GNAQ: variants seen among roughly 807,000 people sequenced by gnomAD.
The protein encoded by GNAQ is G protein subunit alpha q.
Under a neutral mutation model 43.9 loss-of-function variants are expected in GNAQ, and 8 were observed. The ratio of observed to expected loss-of-function variants is 0.18; its 90% CI spans 0.11 to 0.33. The LOEUF (loss-of-function observed/expected upper bound fraction) is 0.33, where lower values mean the gene tolerates loss of function less well. Among genes scored for constraint, GNAQ ranks in the 10% least tolerant of loss-of-function variants. The probability of loss-of-function intolerance (pLI) is 1.00; values close to 1 mark genes in which losing one functional copy is unlikely to be tolerated. For synonymous variants in GNAQ, 155 were observed against 170.7 expected (o/e 0.91, Z 0.71); for missense variants, 158 against 450.8 (o/e 0.35, Z 5.88).
chr9:77,716,134 G>T lies in GNAQ; in HGVS notation c.*5189C>A. 6 of 182,348 alleles carry T rather than the reference G, an allele frequency of 3.3e-5. No individual in the cohort carries two copies. The highest frequency in any genetic ancestry group is 2.0e-4 in the South Asian group (1 of 4,930). 11.3% of individuals were successfully genotyped at this position (182,348 alleles called of 1,614,324 possible). On this transcript the variant is annotated 3_prime_UTR_variant, in exon 7 of 7. Transcript: ENST00000286548. ...TGAAACCATTAAACTTGTTTATTTTGGAAAATGCAATATGCACAAGGTGTG... is the reference window on the plus strand; with the variant it reads ...TGAAACCATTAAACTTGTTTATTTTTGAAAATGCAATATGCACAAGGTGTG...
chr9:77,946,993 A>T (rs1822911706), intron 1 of GNAQ, among the ~76,000 whole-genome samples: 1 of 152,232 alleles, frequency 6.6e-6, no homozygotes. Flanking sequence ...ATAAAGCCTC[A>T]TTTGCCCTCT....
intron 1 of GNAQ, among the ~76,000 whole-genome samples, chr9:77,931,715 T>G (rs766292549): frequency 2.0e-5 from 3 of 152,190 alleles, no homozygotes; most frequent in Non-Finnish European, 4.4e-5. Flanking sequence ...TGCTACCTAT[T>G]CCAGTTCCTC....
chr9:77,913,306 A>AT (rs397734431), intron 2 of GNAQ, among the ~76,000 whole-genome samples: 1 of 146,318 alleles, frequency 6.8e-6, no homozygotes, highest in Non-Finnish European at 1.5e-5. Context: ...ATATATATAT[A>AT]ATTATAACAA....
intron 1 of GNAQ, among the ~76,000 whole-genome samples, chr9:77,999,214 C>G (rs1823614624): frequency 6.6e-6 from 1 of 150,718 alleles, no homozygotes; most frequent in South Asian, 2.1e-4. Flanking sequence ...TTCTAAAATG[C>G]AAACAGAATC....
chr9:77,757,338 T>C (rs568151113), intron 5 of GNAQ, among the ~76,000 whole-genome samples: 35 of 152,298 alleles, frequency 2.3e-4, no homozygotes, highest in Non-Finnish European at 4.3e-4. Flanking sequence ...CACTTTCAGC[T>C]AGCCTCATAT....
chr9:77,973,728 G>C (rs1398868667), intron 1 of GNAQ, among the ~76,000 whole-genome samples: 2 of 152,148 alleles, frequency 1.3e-5, no homozygotes, highest in Non-Finnish European at 2.9e-5. Context: ...TGAGGCAGGA[G>C]AATCGCTTGA....
intron 5 of GNAQ, among the ~76,000 whole-genome samples, chr9:77,788,880 G>A (rs1414863241): frequency 1.3e-5 from 2 of 152,186 alleles, no homozygotes; most frequent in Non-Finnish European, 1.5e-5. Context: ...GTTCCCTCGA[G>A]GGATATTATC....
At chr9:77,818,180 G>A (rs1361170682) in intron 2 of GNAQ, among the ~76,000 whole-genome samples, 7 of 152,068 alleles carry the variant, frequency 4.6e-5, no homozygotes, top group Non-Finnish European at 8.8e-5. Flanking sequence ...CTCAAAAACA[G>A]AGCAATCACC....
At chr9:77,915,626 A>T (rs1828888081) in intron 2 of GNAQ, among the ~76,000 whole-genome samples, 3 of 151,604 alleles carry the variant, frequency 2.0e-5, no homozygotes, top group African/African-American at 7.3e-5. Context: ...TTAGAGAGTT[A>T]AAACAATTGA....
intron 5 of GNAQ, among the ~76,000 whole-genome samples, chr9:77,751,839 G>T (rs1825818219): frequency 6.6e-6 from 1 of 152,042 alleles, no homozygotes; most frequent in Non-Finnish European, 1.5e-5. Flanking sequence ...GAAAAAAACA[G>T]GTCACTGAAG....
rs980543163 is a variant in GNAQ at position 77,719,124 on chromosome 9, T to G, written c.*2199A>C. 2 of 232,072 alleles carry G rather than the reference T, an allele frequency of 8.6e-6. No homozygotes were observed. Among genetic ancestry groups the G allele is most frequent in the Non-Finnish European group, 8.5e-6 (1 of 117,460 alleles). 14.4% of individuals were successfully genotyped at this position (232,072 alleles called of 1,614,324 possible). A position where few individuals can be genotyped will look rare whatever the true frequency, so the allele number is the denominator to read the frequency against. ...CTCTGTATGACAGTAAGGTTTTTTTTTTTTCTTCTTTTCTAAATGGAAAGA... is the reference window on the plus strand; with the variant it reads ...CTCTGTATGACAGTAAGGTTTTTTTGTTTTCTTCTTTTCTAAATGGAAAGA... On this transcript the variant is annotated 3_prime_UTR_variant, in exon 7 of 7. Transcript: ENST00000286548.
At chr9:77,878,165 C>T (rs766976611) in intron 2 of GNAQ, among the ~76,000 whole-genome samples, 2 of 151,180 alleles carry the variant, frequency 1.3e-5, no homozygotes, top group African/African-American at 2.4e-5. Flanking sequence ...TGCCAGTTCC[C>T]AGGAATATGA....
chr9:78,012,543 A>G (rs1364669181), intron 1 of GNAQ, among the ~76,000 whole-genome samples: 3 of 152,134 alleles, frequency 2.0e-5, no homozygotes, highest in Admixed American at 1.3e-4. Context: ...GAATTCAGGA[A>G]ATATATCACC....
chr9:77,802,476 A>C (rs1183475241), intron 3 of GNAQ, among the ~76,000 whole-genome samples: 1 of 151,794 alleles, frequency 6.6e-6, no homozygotes, highest in East Asian at 1.9e-4. Flanking sequence ...CCATTGAAGC[A>C]TTTTCTATTC....
chr9:77,829,837 T>G (rs1339044997), intron 2 of GNAQ, among the ~76,000 whole-genome samples: 1 of 152,146 alleles, frequency 6.6e-6, no homozygotes, highest in Non-Finnish European at 1.5e-5. Context: ...TGCTGATCAG[T>G]GCTTCTCAAA....
chr9:77,728,419 A>G (rs1825433319), intron 6 of GNAQ, 95 bp downstream of exon 6: 1 of 833,492 alleles, frequency 1.2e-6, no homozygotes, highest in Non-Finnish European at 2.1e-6. Context: ...GGGCAAGGGC[A>G]GCAATGGTGC....
chr9:77,922,676 T>C (rs900590406), intron 1 of GNAQ, among the ~76,000 whole-genome samples: 2 of 152,162 alleles, frequency 1.3e-5, no homozygotes, highest in East Asian at 1.9e-4. Context: ...ATGATAAAAC[T>C]TGATAAAGCT....
intron 1 of GNAQ, among the ~76,000 whole-genome samples, chr9:77,985,858 G>T (rs1328203491): frequency 6.6e-6 from 1 of 152,160 alleles, no homozygotes. Flanking sequence ...AAAGTGCTGG[G>T]ATTACAGGCA....
At chr9:77,898,532 T>C (rs1382917960) in intron 2 of GNAQ, among the ~76,000 whole-genome samples, 1 of 152,170 alleles carries the variant, frequency 6.6e-6, no homozygotes, top group African/African-American at 2.4e-5. Context: ...ATCTGTTAGT[T>C]ATAGATGCAC....
Sources: allele counts gnomAD v4.1 joint callset (sites outside exome capture counted in the v4.1 genomes callset), GRCh38; gene constraint gnomAD v4.1.1; transcripts MANE v1.5; gene names NCBI Gene and HGNC (gene_info 2026-07-23, HGNC 2026-07-21).